The following SCN10A variants were observed in gnomAD, a reference collection of about 807,000 sequenced individuals.
SCN10A encodes sodium voltage-gated channel alpha subunit 10.
SCN10A carries 162 observed loss-of-function variants against 170.7 expected under a neutral mutation model. The observed-to-expected ratio is 0.95, with a 90% confidence interval of 0.84 to 1.08. The LOEUF (loss-of-function observed/expected upper bound fraction) is 1.08. SCN10A is among the 50% of genes least tolerant of loss of function. The probability of loss-of-function intolerance (pLI) is 0.00; values close to 1 mark genes in which losing one functional copy is unlikely to be tolerated. For missense variants in SCN10A, 2,527 were observed against 2,436.9 expected (o/e 1.04, Z -0.78); for synonymous variants, 985 against 904.6 (o/e 1.09, Z -1.59).
intron 20 of SCN10A, among the ~76,000 whole-genome samples, chr3:38,721,031 C>T (rs1460720394): frequency 6.6e-6 from 1 of 152,150 alleles, no homozygotes; most frequent in Non-Finnish European, 1.5e-5. Flanking sequence ...GATGGCAGAC[C>T]AGTCCCTGCC....
At chr3:38,761,839 A>T (rs7432787) in intron 6 of SCN10A, among the ~76,000 whole-genome samples, 47,711 of 100,006 alleles carry the variant, frequency 0.48, 7,426 homozygotes, top group African/African-American at 0.54. Flanking sequence ...TGTGTGTGTG[A>T]GAGAGAGAGA....
chr3:38,709,327 C>T, intron 25 of SCN10A, 151 bp downstream of exon 25: 1 of 626,936 alleles, frequency 1.6e-6, no homozygotes, highest in South Asian at 4.4e-5. Flanking sequence ...CTTCCTGCAA[C>T]AGCAATCACA....
chr3:38,758,459 T>A (rs776458960), intron 8 of SCN10A, among the ~76,000 whole-genome samples: 2 of 152,228 alleles, frequency 1.3e-5, no homozygotes, highest in East Asian at 3.8e-4. Flanking sequence ...GTAAATATTG[T>A]ATATAAACTG....
Position 38,718,637 on chromosome 3 carries a change from C to T in SCN10A, c.3681+16G>A, listed in dbSNP as rs746661487. The T allele has an allele frequency of 4.3e-6, 7 of 1,613,524 alleles. No individual in the cohort carries two copies. The East Asian group carries it at 1.3e-4, about 31-fold the overall frequency. On this transcript the variant is annotated intron_variant, in intron 21 of 27. Coordinates refer to ENST00000449082, the MANE Select transcript of SCN10A (RefSeq NM_006514.4). ...GGAGGACCCCAAACCCCACGTGTTC[C>T]CACTGAGCCACTCACATTCACAATG...
At chr3:38,757,234 A>G (rs1367600451) in intron 8 of SCN10A, 75 bp from the exon 9 acceptor site, 1 of 1,432,670 alleles carries the variant, frequency 7.0e-7, no homozygotes, top group African/African-American at 1.4e-5. Context: ...ACAACCACAG[A>G]GTTTTATGTC....
Position 38,701,939 on chromosome 3 carries a change from G to A in SCN10A, c.4557C>T (p.Phe1519=). 4 of 1,614,212 alleles carry A rather than the reference G, an allele frequency of 2.5e-6. No individual in the cohort carries two copies. Among genetic ancestry groups the A allele is most frequent in the African/African-American group, 1.3e-5 (1 of 75,064 alleles). The change falls in exon 27 of 28, where the codon TTC becomes TTT. Residue 1519 remains phenylalanine (F), a synonymous_variant. Transcript: ENST00000449082. ...ACATCTTCATGACACATTCGCCTGT[G>A]AAGACGGCCACAAAGAACTGGTTGA... is the stretch of plus-strand genomic sequence containing the variant. ...GKINQFFVAV[F]TGECVMKMFA...
At position 38,760,736 on chromosome 3, in the gene SCN10A, T is replaced by C; in HGVS notation, c.895A>G (p.Ile299Val). The change falls in exon 8 of 28, where the codon ATA becomes GTA. Residue 299 changes from isoleucine to valine, a missense_variant. Transcript: ENST00000449082. The stretch of plus-strand genomic sequence containing the variant: ...GGGTCAGAAGTGCCTCGCTTATTTA[T>C]GTAGATATCTGCTGAAGAAAGGAAG... ...YSSHRKPDIYINKRGTSDPLL... is the reference protein window; with the variant it reads ...YSSHRKPDIYVNKRGTSDPLL... 6.2e-7 allele frequency: 1 copy of C among 1,613,746 alleles called. No homozygotes were observed. The highest frequency in any genetic ancestry group is 8.5e-7 in the Non-Finnish European group (1 of 1,179,638).
chr3:38,777,408 G>A (rs1193912110), intron 4 of SCN10A, among the ~76,000 whole-genome samples: 1 of 151,870 alleles, frequency 6.6e-6, no homozygotes, highest in Non-Finnish European at 1.5e-5. Context: ...AATGTACCTA[G>A]GAAAAAGACA....
rs750400627 is a variant in SCN10A, at chr3:38,709,478, C to CT, written c.4280dup (p.Leu1428ValfsTer44). Reference sequence around the variant, plus strand: ...CCAGAAACTCCTGAGCACCACTTATCTTTTTTTTCTGTTGATTGAAGTTGT... The same window carrying CT: ...CCAGAAACTCCTGAGCACCACTTATCTTTTTTTTTCTGTTGATTGAAGTTGT... On this transcript the variant is annotated frameshift_variant and splice_region_variant, in exon 25 of 28. Coordinates refer to ENST00000449082, the MANE Select transcript of SCN10A (RefSeq NM_006514.4). LOFTEE classifies it high-confidence loss of function. 23 of 1,607,000 alleles carry CT rather than the reference C, an allele frequency of 1.4e-5. No individual in the cohort carries two copies. Among genetic ancestry groups the CT allele is most frequent in the South Asian group, 3.3e-5 (3 of 89,568 alleles).
chr3:38,697,070 G>T lies in SCN10A; in HGVS notation c.*279C>A, dbSNP rs1208937513. ...TAATCTGATTACAACAAAAATAAAA[G>T]GACAAGGGATATTTTCTGGAGAGTA... On this transcript the variant is annotated 3_prime_UTR_variant, in exon 28 of 28. Transcript: ENST00000449082. 2.2e-6 allele frequency: 1 copy of T among 457,446 alleles called. No individual in the cohort carries two copies. 28.3% of individuals were successfully genotyped at this position (457,446 alleles called of 1,614,324 possible). A position where few individuals can be genotyped will look rare whatever the true frequency, so the allele number is the denominator to read the frequency against.
At chr3:38,737,612 G>A (rs2063578872) in intron 15 of SCN10A, among the ~76,000 whole-genome samples, 1 of 152,080 alleles carries the variant, frequency 6.6e-6, no homozygotes. Context: ...GGTCTTTAGA[G>A]TGTTTTTAAA....
At chr3:38,723,382 T>G in intron 19 of SCN10A, 48 bp downstream of exon 19, 1 of 1,611,038 alleles carries the variant, frequency 6.2e-7, no homozygotes, top group Non-Finnish European at 8.5e-7. Context: ...AACTGGATTC[T>G]GGCCCTAATT....
chr3:38,808,479 C>T (rs565057584), intron 1 of SCN10A, among the ~76,000 whole-genome samples: 44 of 152,278 alleles, frequency 2.9e-4, no homozygotes, highest in Non-Finnish European at 5.3e-4. Flanking sequence ...GCTTCCTGAG[C>T]CACAGACCAT....
chr3:38,776,582 A>G (rs1458881303), intron 4 of SCN10A, among the ~76,000 whole-genome samples: 1 of 152,146 alleles, frequency 6.6e-6, no homozygotes, highest in Non-Finnish European at 1.5e-5. Context: ...AAACATAAAA[A>G]GTTAGAAATT....
rs559363106 is a variant in SCN10A at position 38,774,669 on chromosome 3, A to G, written c.471-3262T>C. Among the ~76,000 whole-genome samples, 29 of 152,350 alleles carry G rather than the reference A, an allele frequency of 1.9e-4. No homozygotes were observed. In the South Asian group the frequency reaches 5.8e-3, roughly 30 times the overall value. Reference sequence around the variant, plus strand: ...ATAATATTCAAATTCTGAATGGATCACTGAGATACCCAACTTGTATTCATA... The same window carrying G: ...ATAATATTCAAATTCTGAATGGATCGCTGAGATACCCAACTTGTATTCATA... On this transcript the variant is annotated intron_variant, in intron 4 of 27. Coordinates refer to ENST00000449082, the MANE Select transcript of SCN10A (RefSeq NM_006514.4).
At chr3:38,746,797 C>T (rs992419948) in intron 13 of SCN10A, among the ~76,000 whole-genome samples, 1 of 152,210 alleles carries the variant, frequency 6.6e-6, no homozygotes, top group Admixed American at 6.5e-5. Flanking sequence ...TGCACTTCCT[C>T]TTTAAGGCAC....
rs762905000 is a variant in SCN10A at position 38,712,202 on chromosome 3, A to G, written c.4048T>C (p.Phe1350Leu). 4 of 1,614,106 alleles carry G rather than the reference A, an allele frequency of 2.5e-6. No homozygotes were observed. The South Asian group carries it at 3.3e-5, about 13-fold the overall frequency. ...AGGTAACCCATTGCAACATTATCAA[A>G]GTTGACTTTCACATTGACCCAGAAG... ...SFFWVNVKVN[F>L]DNVAMGYLAL... The change falls in exon 23 of 28, where the codon TTT (phenylalanine) becomes CTT (leucine). Residue 1350 changes from phenylalanine to leucine, a missense_variant. By Grantham distance (22) the Phe-to-Leu change is conservative. Coordinates refer to ENST00000449082, the MANE Select transcript of SCN10A (RefSeq NM_006514.4).
At position 38,725,268 on chromosome 3, in the gene SCN10A, G is replaced by A; in HGVS notation, c.3134C>T (p.Pro1045Leu). 1.2e-6 allele frequency: 2 copies of A among 1,600,568 alleles called. No homozygotes were observed. The highest frequency in any genetic ancestry group is 1.7e-6 in the Non-Finnish European group (2 of 1,170,154). ...AGATGTTCCAGTGCCTGGGCTCCTG[G>A]GTGTCAGGTGGTCCCCACACCTCTC... ...QVERCGDHLT[P>L]RSPGTGTSSE... Residue 1045 changes from proline (P) to leucine (L), a missense_variant, in exon 18 of 28, where the codon CCC becomes CTC. Coordinates refer to ENST00000449082, the MANE Select transcript of SCN10A (RefSeq NM_006514.4).
intron 2 of SCN10A, 35 bp from the exon 3 acceptor site, chr3:38,792,203 T>C (rs2064291720): frequency 6.2e-7 from 1 of 1,609,330 alleles, no homozygotes; most frequent in Non-Finnish European, 8.5e-7. Flanking sequence ...GGACCTCCAA[T>C]GAGAAACAAG....
Sources: gnomAD v4.1 joint callset for allele counts (sites outside exome capture counted in the v4.1 genomes callset) on GRCh38, gnomAD v4.1.1 for gene constraint, MANE v1.5 for transcripts, NCBI Gene and HGNC (gene_info 2026-07-23, HGNC 2026-07-21) for gene names.